MAGI2: variants seen among roughly 807,000 people sequenced by gnomAD.
MAGI2 encodes the protein membrane-associated guanylate kinase, WW and PDZ domain-containing protein 2.
A neutral mutation model predicts 133.3 loss-of-function variants in MAGI2; 35 were observed. The observed-to-expected ratio is 0.26, with a 90% CI of 0.20 to 0.35. The LOEUF (loss-of-function observed/expected upper bound fraction) is 0.35, where lower values mean the gene tolerates loss of function less well. MAGI2 is among the 10% of genes least tolerant of loss of function. The pLI is 1.00. For missense variants in MAGI2, 1,636 were observed against 1,863.4 expected, an observed-to-expected ratio of 0.88 and a Z score of 2.25; for synonymous variants, 729 against 710.6, an observed-to-expected ratio of 1.03 and a Z score of -0.41.
intron 2 of MAGI2, among the ~76,000 whole-genome samples, chr7:78,839,184 G>C (rs1791909599): frequency 6.6e-6 from 1 of 151,906 alleles, no homozygotes; most frequent in Admixed American, 6.6e-5. Flanking sequence ...GGCATATGAG[G>C]CATAGGATAT....
intron 1 of MAGI2, among the ~76,000 whole-genome samples, chr7:79,022,403 A>G (rs1748339421): frequency 6.6e-6 from 1 of 152,116 alleles, no homozygotes; most frequent in Non-Finnish European, 1.5e-5. Flanking sequence ...TTATAGTGCT[A>G]AACACCCATA....
intron 20 of MAGI2, among the ~76,000 whole-genome samples, chr7:78,093,169 A>AATGGCAG: frequency 6.9e-6 from 1 of 145,932 alleles, no homozygotes; most frequent in African/African-American, 2.5e-5. Context: ...AAAAGAAAGT[A>AATGGCAG]ATGGCAGGTG....
intron 9 of MAGI2, among the ~76,000 whole-genome samples, chr7:78,297,706 A>G (rs2151062808): frequency 6.6e-6 from 1 of 151,860 alleles, no homozygotes; most frequent in Admixed American, 6.6e-5. Context: ...GGAAATCATC[A>G]TTCTCAGTAA....
At chr7:78,637,423 T>C (rs1207512340) in intron 2 of MAGI2, among the ~76,000 whole-genome samples, 6 of 138,912 alleles carry the variant, frequency 4.3e-5, no homozygotes, top group Non-Finnish European at 8.0e-5. Flanking sequence ...TGATACATGA[T>C]AATATGTTAA....
chr7:79,215,466 C>G (rs1177372414), intron 1 of MAGI2, among the ~76,000 whole-genome samples: 2 of 151,940 alleles, frequency 1.3e-5, no homozygotes, highest in East Asian at 3.9e-4. Context: ...TCTCTGAAAC[C>G]TTCTTCGGGG....
intron 2 of MAGI2, among the ~76,000 whole-genome samples, chr7:78,880,098 C>G (rs892447437): frequency 6.6e-6 from 1 of 151,580 alleles, no homozygotes; most frequent in Non-Finnish European, 1.5e-5. Context: ...CTATAAATTA[C>G]TGGCATTCCT....
intron 1 of MAGI2, among the ~76,000 whole-genome samples, chr7:79,162,244 T>C (rs1171714098): frequency 6.6e-6 from 1 of 152,034 alleles, no homozygotes; most frequent in Non-Finnish European, 1.5e-5. Context: ...AATGGGTTCC[T>C]TTTTCTATTC....
intron 1 of MAGI2, among the ~76,000 whole-genome samples, chr7:79,299,704 A>G (rs1358752242): frequency 1.3e-5 from 2 of 152,132 alleles, no homozygotes; most frequent in East Asian, 1.9e-4. Flanking sequence ...GATCAGTGAT[A>G]TCATTTGGAT....
chr7:79,268,616 G>A (rs558827158), intron 1 of MAGI2, among the ~76,000 whole-genome samples: 7 of 152,238 alleles, frequency 4.6e-5, no homozygotes, highest in Admixed American at 2.0e-4. Context: ...AATAGAAACC[G>A]CAGACTGAAG....
chr7:78,769,316 A>T (rs1278666565), intron 2 of MAGI2, among the ~76,000 whole-genome samples: 1 of 151,978 alleles, frequency 6.6e-6, no homozygotes, highest in Non-Finnish European at 1.5e-5. Flanking sequence ...GCTGCCACAC[A>T]TGCATGGGTC....
At position 78,445,850 on chromosome 7, in the gene MAGI2, A is replaced by T. The variant is rs189981002; in HGVS notation, c.1045+43911T>A. Among the ~76,000 whole-genome samples the T allele has an allele frequency of 1.8e-3, 273 of 152,024 alleles. 3 individuals are homozygous for T. The highest frequency in any genetic ancestry group is 2.1e-3 in the Non-Finnish European group (146 of 67,944). ...GTGTGAGGTATACCATGTTTCTTACATGTATCTTCTTCATACAATTTTTTT... is the reference window on the plus strand; with the variant it reads ...GTGTGAGGTATACCATGTTTCTTACTTGTATCTTCTTCATACAATTTTTTT... On this transcript the variant is annotated intron_variant, in intron 6 of 21. Transcript: ENST00000354212.
At chr7:78,888,909 C>T (rs1222365256) in intron 2 of MAGI2, among the ~76,000 whole-genome samples, 2 of 152,064 alleles carry the variant, frequency 1.3e-5, no homozygotes, top group African/African-American at 4.8e-5. Flanking sequence ...GAGAAGAAGG[C>T]TTCAGATGAT....
rs148577265 is a variant in MAGI2, at chr7:79,192,849, T to G, written c.302-185643A>C. On this transcript the variant is annotated intron_variant, in intron 1 of 21. Coordinates refer to ENST00000354212, the MANE Select transcript of MAGI2 (RefSeq NM_012301.4). Reference sequence around the variant, plus strand: ...CTGATTGATTTATATTTTTACAATCTCACTCTGTCTCTTTGAGAACAATAT... The same window carrying G: ...CTGATTGATTTATATTTTTACAATCGCACTCTGTCTCTTTGAGAACAATAT... 1.5e-3 allele frequency among the ~76,000 whole-genome samples: 224 copies of G among 151,952 alleles called. 3 individuals carry two copies. The highest frequency in any genetic ancestry group is 5.2e-3 in the African/African-American group (216 of 41,354).
At chr7:78,470,582 G>A (rs1791096542) in intron 6 of MAGI2, among the ~76,000 whole-genome samples, 1 of 151,982 alleles carries the variant, frequency 6.6e-6, no homozygotes, top group South Asian at 2.1e-4. Flanking sequence ...AATTAATGCT[G>A]TAGATCATTT....
intron 1 of MAGI2, among the ~76,000 whole-genome samples, chr7:79,254,113 GTGTTA>G (rs10557434): frequency 0.17 from 25,137 of 151,828 alleles, 2,296 homozygotes; most frequent in East Asian, 0.34. Context: ...TGATATCTTG[GTGTTA>G]TGTTATGTGA....
chr7:79,125,395 C>G, intron 1 of MAGI2: 1 of 487,788 alleles, frequency 2.1e-6, no homozygotes, highest in Non-Finnish European at 4.1e-6. Flanking sequence ...TGGAGGAAAC[C>G]TCAGGGGTCA....
At chr7:79,291,194 TC>T (rs1836455187) in intron 1 of MAGI2, among the ~76,000 whole-genome samples, 1 of 152,150 alleles carries the variant, frequency 6.6e-6, no homozygotes, top group Non-Finnish European at 1.5e-5. Context: ...TGTCTTTTTT[TC>T]ATTTAGCATA....
At chr7:79,225,535 CAT>C (rs1435532386) in intron 1 of MAGI2, among the ~76,000 whole-genome samples, 8 of 152,090 alleles carry the variant, frequency 5.3e-5, no homozygotes, top group Non-Finnish European at 1.0e-4. Context: ...CTATATTTGA[CAT>C]ATGTTTTGCT....
chr7:78,228,030 T>C (rs1371628358), intron 10 of MAGI2, among the ~76,000 whole-genome samples: 2 of 152,212 alleles, frequency 1.3e-5, no homozygotes, highest in African/African-American at 4.8e-5. Flanking sequence ...GCCCTCACAA[T>C]GCAAAAGCAG....
Sources: allele counts gnomAD v4.1 joint callset (sites outside exome capture counted in the v4.1 genomes callset), GRCh38; gene constraint gnomAD v4.1.1; transcripts MANE v1.5; gene names NCBI Gene and HGNC (gene_info 2026-07-23, HGNC 2026-07-21).